CADPS: variants seen among roughly 807,000 people sequenced by gnomAD.
CADPS encodes the protein calcium dependent secretion activator.
CADPS carries 57 observed loss-of-function variants against 167.3 expected under a neutral mutation model. That is an observed-to-expected ratio of 0.34 (90% CI 0.28 to 0.42). The LOEUF is 0.42. Among genes scored for constraint, CADPS ranks in the 20% least tolerant of loss-of-function variants. CADPS has a pLI of 1.00. For synonymous variants in CADPS, 676 were observed against 635.3 expected, an observed-to-expected ratio of 1.06 and a Z score of -0.96; for missense variants, 1,414 against 1,738.1, an observed-to-expected ratio of 0.81 and a Z score of 3.32.
rs2065345602 is a variant in CADPS at position 62,499,430 on chromosome 3, C to T, written c.2600-162G>A. ...AATTAGTAGTGAGCAAACCATAAAG[C>T]CATTTTATTATTATCACCATTATTA... On this transcript the variant is annotated intron_variant, in intron 17 of 29. Transcript: ENST00000383710. The T allele has an allele frequency of 7.8e-6, 4 of 511,784 alleles. No individual in the cohort carries two copies. In the Admixed American group the frequency reaches 9.4e-5, roughly 12 times the overall value. 31.7% of individuals were successfully genotyped at this position (511,784 alleles called of 1,614,324 possible). A position where few individuals can be genotyped will look rare whatever the true frequency, so the allele number is the denominator to read the frequency against.
intron 8 of CADPS, among the ~76,000 whole-genome samples, chr3:62,576,784 T>G (rs1484798915): frequency 3.4e-5 from 2 of 58,432 alleles, no homozygotes; most frequent in Admixed American, 2.4e-4. Flanking sequence ...AGCAAGACTC[T>G]GTCTAAAAAA....
intron 10 of CADPS, among the ~76,000 whole-genome samples, chr3:62,555,654 A>T (rs77849182): frequency 1.3e-5 from 2 of 152,188 alleles, no homozygotes; most frequent in Non-Finnish European, 1.5e-5. Flanking sequence ...ACTGGCTTAA[A>T]AGCAATTATT....
intron 19 of CADPS, 90 bp downstream of exon 19, chr3:62,493,555 C>T (rs1023953922): frequency 4.2e-6 from 4 of 963,690 alleles, no homozygotes; most frequent in Non-Finnish European, 6.4e-6. Context: ...CTTCTGTGAT[C>T]TATTAGTTAT....
At chr3:62,513,558 T>C (rs2068328921) in intron 16 of CADPS, 15 of 912,706 alleles carry the variant, frequency 1.6e-5, no homozygotes, top group Middle Eastern at 4.3e-4. Flanking sequence ...GAGAGTGAGT[T>C]GGTTTGGATC....
chr3:62,618,387 C>A (rs1325248356), intron 6 of CADPS, among the ~76,000 whole-genome samples: 1 of 152,172 alleles, frequency 6.6e-6, no homozygotes, highest in African/African-American at 2.4e-5. Context: ...TGGGGTTCTG[C>A]ACCTGTTGGG....
chr3:62,558,499 C>A (rs1243676938), intron 9 of CADPS, among the ~76,000 whole-genome samples: 1 of 152,232 alleles, frequency 6.6e-6, no homozygotes, highest in Non-Finnish European at 1.5e-5. Context: ...GAAGGAGTGC[C>A]ACATCCCTCA....
At chr3:62,655,191 T>C (rs1186120568) in intron 4 of CADPS, among the ~76,000 whole-genome samples, 4 of 152,194 alleles carry the variant, frequency 2.6e-5, no homozygotes. Context: ...ACTTAAGCCT[T>C]GGGAAGAAAT....
intron 3 of CADPS, among the ~76,000 whole-genome samples, chr3:62,715,481 T>A (rs994205523): frequency 6.7e-6 from 1 of 150,372 alleles, no homozygotes; most frequent in African/African-American, 2.4e-5. Flanking sequence ...TCACAAAAGA[T>A]ACCATATTTT....
intron 14 of CADPS, among the ~76,000 whole-genome samples, chr3:62,517,705 C>G (rs997134418): frequency 6.6e-6 from 1 of 152,114 alleles, no homozygotes; most frequent in East Asian, 1.9e-4. Context: ...TCAATCCACC[C>G]AGGCTGATGC....
intron 13 of CADPS, 142 bp downstream of exon 13, chr3:62,532,729 G>A (rs1433707383): frequency 1.7e-5 from 10 of 592,666 alleles, no homozygotes; most frequent in Non-Finnish European, 3.0e-5. Flanking sequence ...GTGTGTGTGT[G>A]TGTGTGTGTG....
At chr3:62,429,261 A>G (rs1476981501) in intron 28 of CADPS, among the ~76,000 whole-genome samples, 1 of 152,190 alleles carries the variant, frequency 6.6e-6, no homozygotes, top group Non-Finnish European at 1.5e-5. Context: ...TGAATCAAAG[A>G]GACTCTTGTT....
intron 4 of CADPS, among the ~76,000 whole-genome samples, chr3:62,652,602 C>T (rs890696432): frequency 6.6e-5 from 10 of 151,582 alleles, no homozygotes; most frequent in African/African-American, 2.4e-4. Flanking sequence ...GGCTGCCACA[C>T]TGGATCAGGT....
chr3:62,707,826 C>A lies in CADPS; in HGVS notation c.889-45432G>T, dbSNP rs535586333. On this transcript the variant is annotated intron_variant, in intron 3 of 29. Coordinates refer to ENST00000383710, the MANE Select transcript of CADPS (RefSeq NM_003716.4). The stretch of plus-strand genomic sequence containing the variant: ...CTGCTTATTTTTTTCTCTAATGGAG[C>A]TACTAGGAAATTTAAAATGACATGT... Among the ~76,000 whole-genome samples the A allele has an allele frequency of 6.2e-4, 94 of 152,104 alleles. 2 individuals are homozygous for A. Among genetic ancestry groups the A allele is most frequent in the African/African-American group, 2.1e-3 (85 of 41,460 alleles).
At position 62,810,009 on chromosome 3, in the gene CADPS, A is replaced by G. The variant is rs1477138213; in HGVS notation, c.442-44025T>C. On this transcript the variant is annotated intron_variant, in intron 1 of 29. Transcript: ENST00000383710. ...CCAGGATTATTTTCAAGTGGTCCAC[A>G]CTGGCCTGCATATTTTCTGAATCTA... 2.6e-5 allele frequency among the ~76,000 whole-genome samples: 4 copies of G among 152,138 alleles called. No homozygotes were observed. The East Asian group carries it at 5.8e-4, about 22-fold the overall frequency.
At chr3:62,633,900 A>G (rs1452436444) in intron 6 of CADPS, among the ~76,000 whole-genome samples, 1 of 152,214 alleles carries the variant, frequency 6.6e-6, no homozygotes, top group Non-Finnish European at 1.5e-5. Context: ...CAATGTTGCT[A>G]TTAAAAACTT....
chr3:62,688,980 A>T (rs2078593240), intron 3 of CADPS, among the ~76,000 whole-genome samples: 1 of 152,054 alleles, frequency 6.6e-6, no homozygotes, highest in Non-Finnish European at 1.5e-5. Flanking sequence ...CCCAGAAAAA[A>T]AATCTTTCCA....
rs148803506 is a variant in CADPS at position 62,600,713 on chromosome 3, G to A, written c.1326-7965C>T. On this transcript the variant is annotated intron_variant, in intron 6 of 29. Transcript: ENST00000383710. The stretch of plus-strand genomic sequence containing the variant: ...GTGAGATGTAAGTTTTGCCCCCATG[G>A]ATATTACATTATTTTGGGGGAGATG... 2.9e-4 allele frequency among the ~76,000 whole-genome samples: 44 copies of A among 152,330 alleles called. No homozygotes were observed. The East Asian group carries it at 7.9e-3, about 27-fold the overall frequency.
chr3:62,867,929 C>T (rs988026194), intron 1 of CADPS, among the ~76,000 whole-genome samples: 4 of 151,982 alleles, frequency 2.6e-5, no homozygotes, highest in Non-Finnish European at 4.4e-5. Flanking sequence ...GATCACAGAG[C>T]GAGATAAGGG....
chr3:62,748,342 C>T (rs1474086623), intron 3 of CADPS, among the ~76,000 whole-genome samples: 1 of 14,734 alleles, frequency 6.8e-5, no homozygotes, highest in African/African-American at 2.2e-4. Flanking sequence ...GAGACTCCGT[C>T]TCAAAAAAAA....
Sources: allele counts gnomAD v4.1 joint callset (sites outside exome capture counted in the v4.1 genomes callset), GRCh38; gene constraint gnomAD v4.1.1; transcripts MANE v1.5; gene names NCBI Gene and HGNC (gene_info 2026-07-23, HGNC 2026-07-21).